The following PDGFD variants were observed in gnomAD, a reference collection of about 807,000 sequenced individuals.
PDGFD encodes platelet-derived growth factor D.
A neutral mutation model predicts 44.7 loss-of-function variants in PDGFD; 30 were observed. That is an observed-to-expected ratio of 0.67 (90% CI 0.50 to 0.91). PDGFD has a LOEUF of 0.91. Ranked by LOEUF, PDGFD falls within the 40% of genes least tolerant of loss-of-function variation. The pLI is 0.00. For missense variants in PDGFD, 445 were observed against 457.8 expected (o/e 0.97, Z 0.25); for synonymous variants, 173 against 168.4 (o/e 1.03, Z -0.21).
intron 1 of PDGFD, among the ~76,000 whole-genome samples, chr11:104,119,902 T>C (rs1861745697): frequency 7.5e-6 from 1 of 133,230 alleles, no homozygotes; most frequent in South Asian, 2.2e-4. Flanking sequence ...AATTATATAA[T>C]ATATAAGCAA....
intron 1 of PDGFD, among the ~76,000 whole-genome samples, chr11:104,134,982 C>A (rs962703081): frequency 3.9e-4 from 59 of 152,208 alleles, no homozygotes; most frequent in African/African-American, 1.4e-3. Context: ...TGTGTCTGCC[C>A]TTGTCCAGTG....
At position 104,037,539 on chromosome 11, in the gene PDGFD, A is replaced by G. The variant is rs1305048049; in HGVS notation, c.125-37284T>C. The G allele has an allele frequency of 2.5e-6, 4 of 1,613,982 alleles. No individual in the cohort carries two copies. In the African/African-American group the frequency reaches 4.0e-5, roughly 16 times the overall value. On this transcript the variant is annotated intron_variant, in intron 1 of 6. Transcript: ENST00000393158. ...TAGAAGAGGCCCCCGAGAGTTTTGGACAAGTGACGATGCTCTACATTAACT... is the reference window on the plus strand; with the variant it reads ...TAGAAGAGGCCCCCGAGAGTTTTGGGCAAGTGACGATGCTCTACATTAACT...
At chr11:103,935,378 T>C (rs1298797541) in intron 5 of PDGFD, among the ~76,000 whole-genome samples, 1 of 152,136 alleles carries the variant, frequency 6.6e-6, no homozygotes, top group Non-Finnish European at 1.5e-5. Context: ...ACAATATGGT[T>C]TTTATGAATG....
At chr11:104,025,976 T>C (rs1860037179) in intron 1 of PDGFD, among the ~76,000 whole-genome samples, 1 of 152,124 alleles carries the variant, frequency 6.6e-6, no homozygotes, top group Non-Finnish European at 1.5e-5. Flanking sequence ...CCTCAGATGG[T>C]CTTTGTGTTT....
chr11:104,110,671 C>T (rs1020181834), intron 1 of PDGFD, among the ~76,000 whole-genome samples: 8 of 152,122 alleles, frequency 5.3e-5, no homozygotes, highest in Non-Finnish European at 8.8e-5. Flanking sequence ...AAATCCTCCA[C>T]GCTGTGTCTT....
chr11:104,114,457 A>G (rs182286121), intron 1 of PDGFD, among the ~76,000 whole-genome samples: 1 of 152,120 alleles, frequency 6.6e-6, no homozygotes, highest in East Asian at 1.9e-4. Flanking sequence ...ATCTATTGGT[A>G]TATTGTTTTA....
chr11:103,915,939 A>G (rs1858117149), intron 6 of PDGFD, among the ~76,000 whole-genome samples: 1 of 152,234 alleles, frequency 6.6e-6, no homozygotes, highest in Admixed American at 6.5e-5. Flanking sequence ...ACAAAAGTTA[A>G]CTCAAGATGA....
intron 1 of PDGFD, among the ~76,000 whole-genome samples, chr11:104,133,565 ACAAATG>A (rs765346045): frequency 6.6e-5 from 10 of 152,262 alleles, no homozygotes; most frequent in Non-Finnish European, 1.5e-4. Flanking sequence ...GCAGTATGTG[ACAAATG>A]CTCTAGTTCT....
intron 6 of PDGFD, among the ~76,000 whole-genome samples, chr11:103,911,598 G>C (rs1858030128): frequency 6.6e-6 from 1 of 152,078 alleles, no homozygotes; most frequent in Admixed American, 6.5e-5. Context: ...CTCCTCGCCA[G>C]CAAGGGAACA....
At chr11:104,103,408 C>A (rs953697134) in intron 1 of PDGFD, among the ~76,000 whole-genome samples, 1 of 149,450 alleles carries the variant, frequency 6.7e-6, no homozygotes, top group Admixed American at 6.7e-5. Flanking sequence ...TTTCTTTCCC[C>A]TTCTCAATGA....
intron 5 of PDGFD, among the ~76,000 whole-genome samples, chr11:103,932,352 T>A (rs1858416740): frequency 6.6e-6 from 1 of 152,172 alleles, no homozygotes; most frequent in Admixed American, 6.6e-5. Flanking sequence ...TGACCAACTA[T>A]AGGCTGATAT....
At chr11:104,118,894 T>C (rs1565340258) in intron 1 of PDGFD, among the ~76,000 whole-genome samples, 2 of 93,966 alleles carry the variant, frequency 2.1e-5, no homozygotes, top group Non-Finnish European at 3.8e-5. Flanking sequence ...TATTATTATG[T>C]ATAATATTAA....
At chr11:103,958,331 C>T (rs373285338) in intron 3 of PDGFD, among the ~76,000 whole-genome samples, 5 of 152,196 alleles carry the variant, frequency 3.3e-5, no homozygotes, top group East Asian at 3.9e-4. Flanking sequence ...ATAAAATAAA[C>T]GAATCTTCTT....
intron 5 of PDGFD, among the ~76,000 whole-genome samples, chr11:103,940,006 G>A (rs1591085576): frequency 6.6e-6 from 1 of 151,978 alleles, no homozygotes; most frequent in South Asian, 2.1e-4. Flanking sequence ...TAAAAATGTA[G>A]ACATTATTGC....
intron 1 of PDGFD, among the ~76,000 whole-genome samples, chr11:104,103,186 T>A (rs1861420160): frequency 6.6e-6 from 1 of 152,118 alleles, no homozygotes. Flanking sequence ...AATTTCCACC[T>A]CATAGAGTAG....
At chr11:104,000,438 C>T (rs1859603013) in intron 1 of PDGFD, among the ~76,000 whole-genome samples, 183 bp from the exon 2 acceptor site, 1 of 152,164 alleles carries the variant, frequency 6.6e-6, no homozygotes, top group Non-Finnish European at 1.5e-5. Flanking sequence ...AATCTATGTC[C>T]AGTGACTAGC....
At chr11:103,915,456 A>C (rs1174944783) in intron 6 of PDGFD, among the ~76,000 whole-genome samples, 1 of 152,244 alleles carries the variant, frequency 6.6e-6, no homozygotes, top group Non-Finnish European at 1.5e-5. Flanking sequence ...GAGGACACAA[A>C]CAAATGGAAA....
At chr11:103,963,883 A>G (rs1858976301) in intron 3 of PDGFD, among the ~76,000 whole-genome samples, 1 of 152,154 alleles carries the variant, frequency 6.6e-6, no homozygotes, top group African/African-American at 2.4e-5. Flanking sequence ...ATCTCTCGGT[A>G]AAATATTTCT....
intron 1 of PDGFD, among the ~76,000 whole-genome samples, chr11:104,076,741 C>G (rs1860965363): frequency 6.6e-6 from 1 of 152,174 alleles, no homozygotes; most frequent in Non-Finnish European, 1.5e-5. Flanking sequence ...CACCAGTCCA[C>G]TTACACATGG....
Sources: allele counts gnomAD v4.1 joint callset (sites outside exome capture counted in the v4.1 genomes callset), GRCh38; gene constraint gnomAD v4.1.1; transcripts MANE v1.5; gene names NCBI Gene and HGNC (gene_info 2026-07-23, HGNC 2026-07-21).